KLF13: variants seen among roughly 807,000 people sequenced by gnomAD.
KLF13 encodes KLF transcription factor 13, also known as Krueppel-like factor 13.
Under a neutral mutation model 16.7 loss-of-function variants are expected in KLF13, and 8 were observed. The observed-to-expected ratio is 0.48, with a 90% confidence interval of 0.28 to 0.87. The LOEUF is 0.87. KLF13 is among the 40% of genes least tolerant of loss of function. The probability of loss-of-function intolerance (pLI) is 0.10; values close to 1 mark genes in which losing one functional copy is unlikely to be tolerated. For synonymous variants in KLF13, 245 were observed against 208.4 expected (o/e 1.18, Z -1.51); for missense variants, 447 against 452.2 (o/e 0.99, Z 0.10).
intron 2 of KLF13, among the ~76,000 whole-genome samples, chr15:31,393,951 G>T (rs1178855250): frequency 6.6e-6 from 1 of 152,188 alleles, no homozygotes; most frequent in Non-Finnish European, 1.5e-5. Flanking sequence ...GACTGCCTTT[G>T]CCCTTGCATC....
chr15:31,423,461 G>A (rs548710326), intron 1 of KLF13, among the ~76,000 whole-genome samples: 9 of 151,660 alleles, frequency 5.9e-5, no homozygotes, highest in East Asian at 5.8e-4. Context: ...GTGAAACCCC[G>A]TCTCTACTAA....
intron 1 of KLF13, among the ~76,000 whole-genome samples, chr15:31,354,023 G>A (rs1289459137): frequency 6.6e-6 from 1 of 152,226 alleles, no homozygotes; most frequent in Middle Eastern, 3.2e-3. Flanking sequence ...GGGGTCAGAC[G>A]TGGCACTTGA....
intron 1 of KLF13, among the ~76,000 whole-genome samples, chr15:31,365,299 C>T (rs986477477): frequency 1.1e-4 from 16 of 152,204 alleles, no homozygotes; most frequent in African/African-American, 3.4e-4. Context: ...TGGACCCTTG[C>T]GCTCCAGAGG....
At chr15:31,365,504 G>A (rs1229866711) in intron 1 of KLF13, among the ~76,000 whole-genome samples, 1 of 152,038 alleles carries the variant, frequency 6.6e-6, no homozygotes, top group East Asian at 1.9e-4. Flanking sequence ...CTTGGTACCG[G>A]GCATTGGAAA....
rs575016262 is a variant in KLF13, at chr15:31,383,880, C to G, written n.224-51490C>G. 3.7e-4 allele frequency among the ~76,000 whole-genome samples: 56 copies of G among 151,770 alleles called. 2 individuals carry two copies. Among genetic ancestry groups the G allele is most frequent in the Admixed American group, 3.2e-3 (49 of 15,252 alleles). On this transcript the variant is annotated intron_variant and non_coding_transcript_variant, in intron 1 of 1. Coordinates refer to the KLF13 transcript ENST00000558921. Reference sequence around the variant, plus strand: ...TCACGCCACTGCACTCCAGCCTGGGCAACAGAGCGAGACTCCGTCTCAAAA... The same window carrying G: ...TCACGCCACTGCACTCCAGCCTGGGGAACAGAGCGAGACTCCGTCTCAAAA...
At chr15:31,426,353 C>T (rs35760540) in intron 1 of KLF13, among the ~76,000 whole-genome samples, 22 of 152,108 alleles carry the variant, frequency 1.4e-4, no homozygotes, top group Non-Finnish European at 2.9e-4. Context: ...AACTTTAAAA[C>T]TCCTAGAAGA....
intron 1 of KLF13, among the ~76,000 whole-genome samples, chr15:31,424,400 C>A (rs1335291064): frequency 6.6e-6 from 1 of 151,850 alleles, no homozygotes; most frequent in Non-Finnish European, 1.5e-5. Flanking sequence ...TCCTGGAATA[C>A]AAGGATGGTT....
rs146665822 is a variant in KLF13, at chr15:31,357,218, C to T, written c.578-14792C>T. Among the ~76,000 whole-genome samples the T allele has an allele frequency of 7.9e-5, 12 of 152,318 alleles. No homozygotes were observed. The East Asian group carries it at 1.5e-3, about 20-fold the overall frequency. On this transcript the variant is annotated intron_variant, in intron 1 of 1. Transcript: ENST00000307145. ...TAAGCTTCCCTTTTAAAGGCACATGCGGTTCTTGTTTCCGCCAGGCCGTCT... is the reference window on the plus strand; with the variant it reads ...TAAGCTTCCCTTTTAAAGGCACATGTGGTTCTTGTTTCCGCCAGGCCGTCT...
At chr15:31,401,819 T>A (rs1595500490) in intron 2 of KLF13, among the ~76,000 whole-genome samples, 1 of 152,092 alleles carries the variant, frequency 6.6e-6, no homozygotes, top group African/African-American at 2.4e-5. Context: ...GAGGGCTGAG[T>A]CTCCAAGGGC....
intron 1 of KLF13, among the ~76,000 whole-genome samples, chr15:31,335,011 C>T (rs1032408051): frequency 6.6e-6 from 1 of 152,220 alleles, no homozygotes; most frequent in African/African-American, 2.4e-5. Flanking sequence ...CCTCACCCAA[C>T]CAAAAGCTCT....
At position 31,401,008 on chromosome 15, in the gene KLF13, A is replaced by ATT. The variant is rs11377617; in HGVS notation, n.530-2408_530-2407dup. 3.1e-3 allele frequency among the ~76,000 whole-genome samples: 458 copies of ATT among 147,866 alleles called. 2 individuals are homozygous for ATT. The highest frequency in any genetic ancestry group is 5.7e-3 in the African/African-American group (230 of 40,330). ...TGTCCCGTCGATAGATAAATAAACA[A>ATT]TTTTTTTTTTTTTGAGATGGGGTTT... On this transcript the variant is annotated intron_variant and non_coding_transcript_variant, in intron 2 of 2. Transcript: ENST00000500533.
chr15:31,394,374 C>T (rs995394798), intron 2 of KLF13, among the ~76,000 whole-genome samples: 1 of 151,888 alleles, frequency 6.6e-6, no homozygotes, highest in Admixed American at 6.6e-5. Context: ...GTAGTCCCAG[C>T]TACTCGGGAG....
At chr15:31,401,483 G>A (rs903429578) in intron 2 of KLF13, among the ~76,000 whole-genome samples, 5 of 152,232 alleles carry the variant, frequency 3.3e-5, no homozygotes, top group Non-Finnish European at 5.9e-5. Flanking sequence ...GAGGGGAGCA[G>A]GGGTCAAGGG....
intron 1 of KLF13, among the ~76,000 whole-genome samples, chr15:31,336,440 C>T (rs143641844): frequency 3.3e-5 from 5 of 152,204 alleles, no homozygotes; most frequent in Non-Finnish European, 7.4e-5. Flanking sequence ...CATGGGTTAG[C>T]GAGACCTGAG....
intron 1 of KLF13, among the ~76,000 whole-genome samples, chr15:31,333,863 G>C (rs1362813610): frequency 6.6e-6 from 1 of 152,158 alleles, no homozygotes; most frequent in Non-Finnish European, 1.5e-5. Context: ...ATGTGGATTG[G>C]TCTGATTGTT....
intron 1 of KLF13, among the ~76,000 whole-genome samples, chr15:31,357,486 C>T (rs549497208): frequency 4.1e-4 from 63 of 152,344 alleles, no homozygotes; most frequent in African/African-American, 1.5e-3. Flanking sequence ...TCTACTGGGC[C>T]ATCTCCTTCC....
chr15:31,354,525 C>T (rs2039269264), intron 1 of KLF13, among the ~76,000 whole-genome samples: 1 of 152,164 alleles, frequency 6.6e-6, no homozygotes, highest in African/African-American at 2.4e-5. Flanking sequence ...GGATTACAGG[C>T]ACCCACCACC....
At chr15:31,335,441 G>A (rs1276084326) in intron 1 of KLF13, among the ~76,000 whole-genome samples, 5 of 66,996 alleles carry the variant, frequency 7.5e-5, no homozygotes, top group African/African-American at 2.1e-4. Flanking sequence ...GTGTATGTGT[G>A]TGTGTGTGTG....
chr15:31,388,300 G>T (rs767691051), upstream of KLF13, among the ~76,000 whole-genome samples: 11 of 152,136 alleles, frequency 7.2e-5, no homozygotes, highest in Non-Finnish European at 1.3e-4. Context: ...GAAAGTGCCA[G>T]TGAAAATGAT....
Sources: gnomAD v4.1 joint callset for allele counts (sites outside exome capture counted in the v4.1 genomes callset) on GRCh38, gnomAD v4.1.1 for gene constraint, MANE v1.5 for transcripts, NCBI Gene and HGNC (gene_info 2026-07-23, HGNC 2026-07-21) for gene names.